The following ANKH variants were observed in gnomAD, a reference collection of about 807,000 sequenced individuals.
ANKH encodes mineralization regulator ANKH.
ANKH carries 15 observed loss-of-function variants against 49.0 expected under a neutral mutation model. The observed-to-expected ratio is 0.31, with a 90% confidence interval of 0.20 to 0.47. The LOEUF is 0.47. Among genes scored for constraint, ANKH ranks in the 20% least tolerant of loss-of-function variants. The pLI is 1.00. For synonymous variants in ANKH, 273 were observed against 260.0 expected, an observed-to-expected ratio of 1.05 and a Z score of -0.48; for missense variants, 429 against 652.0, an observed-to-expected ratio of 0.66 and a Z score of 3.72.
At chr5:14,764,615 G>A (rs746160056) in intron 2 of ANKH, among the ~76,000 whole-genome samples, 3 of 152,218 alleles carry the variant, frequency 2.0e-5, no homozygotes, top group Non-Finnish European at 2.9e-5. Flanking sequence ...ACTGAGGATC[G>A]GGGTGGTTTT....
intron 8 of ANKH, among the ~76,000 whole-genome samples, chr5:14,727,490 C>T (rs777097279): frequency 1.3e-5 from 2 of 150,900 alleles, no homozygotes; most frequent in Non-Finnish European, 2.9e-5. Context: ...CTAGTAATGC[C>T]GCGTTGGTGG....
intron 1 of ANKH, among the ~76,000 whole-genome samples, chr5:14,866,670 G>C (rs983145286): frequency 6.6e-6 from 1 of 152,166 alleles, no homozygotes; most frequent in Non-Finnish European, 1.5e-5. Flanking sequence ...CAAAGACCAA[G>C]TGACTTCTAA....
intron 1 of ANKH, among the ~76,000 whole-genome samples, chr5:14,849,079 G>T (rs1742054167): frequency 6.6e-6 from 1 of 152,154 alleles, no homozygotes; most frequent in Non-Finnish European, 1.5e-5. Flanking sequence ...GGAATTCTTA[G>T]TCAGCCTAGG....
At chr5:14,843,740 T>C (rs1161106164) in intron 1 of ANKH, among the ~76,000 whole-genome samples, 1 of 152,076 alleles carries the variant, frequency 6.6e-6, no homozygotes, top group Non-Finnish European at 1.5e-5. Context: ...ACCTCCTCAG[T>C]GTGTGCTCGC....
intron 1 of ANKH, among the ~76,000 whole-genome samples, chr5:14,784,853 AGAAAAG>A (rs1739922725): frequency 6.6e-6 from 1 of 152,188 alleles, no homozygotes; most frequent in South Asian, 2.1e-4. Context: ...GTGAGGCCCT[AGAAAAG>A]GCACTTGCTG....
chr5:14,816,923 C>T lies in ANKH; in HGVS notation c.97-47732G>A, dbSNP rs375393661. Among the ~76,000 whole-genome samples, 20 of 152,332 alleles carry T rather than the reference C, an allele frequency of 1.3e-4. 2 individuals carry two copies. The highest frequency in any genetic ancestry group is 1.2e-3 in the Admixed American group (19 of 15,304). The stretch of plus-strand genomic sequence containing the variant: ...GAGCTCGAGCTTTTACCTCGTTGCA[C>T]AGATCTCAGCCTTTTTAGATGGATT... On this transcript the variant is annotated intron_variant, in intron 1 of 11. Coordinates refer to ENST00000284268, the MANE Select transcript of ANKH (RefSeq NM_054027.6).
At chr5:14,815,011 T>C (rs1740989723) in intron 1 of ANKH, among the ~76,000 whole-genome samples, 1 of 152,250 alleles carries the variant, frequency 6.6e-6, no homozygotes, top group African/African-American at 2.4e-5. Flanking sequence ...TGAGGAATCC[T>C]GAGCCTTGAA....
intron 1 of ANKH, among the ~76,000 whole-genome samples, chr5:14,867,886 CT>C (rs908528580): frequency 1.3e-5 from 2 of 152,096 alleles, no homozygotes; most frequent in Non-Finnish European, 2.9e-5. Flanking sequence ...TTCCATAGAG[CT>C]TTTTTTAGTA....
rs2126459009 is a variant in ANKH at position 14,737,319 on chromosome 5, T to C, written c.1011+4508A>G. On this transcript the variant is annotated intron_variant, in intron 8 of 11. Transcript: ENST00000284268. This position sits in a 1 kb window ranked among gnomAD's most constrained non-coding sequence, Gnocchi z 5.0. ...ACTTCTAGAGTCCAGGAGGGCACCA[T>C]GATAGGCCCCAGGGGTTTGTAGGAG... Among the ~76,000 whole-genome samples the C allele has an allele frequency of 6.6e-6, 1 of 152,302 alleles. No homozygotes were observed. Among genetic ancestry groups the C allele is most frequent in the Non-Finnish European group, 1.5e-5 (1 of 68,026 alleles).
intron 1 of ANKH, among the ~76,000 whole-genome samples, chr5:14,811,177 C>T (rs574640176): frequency 2.0e-5 from 3 of 148,652 alleles, no homozygotes; most frequent in Admixed American, 6.6e-5. Flanking sequence ...AGTCACTCGG[C>T]TTTCAAGAGT....
At chr5:14,751,844 G>A (rs1031201084) in intron 4 of ANKH, among the ~76,000 whole-genome samples, 5 of 152,108 alleles carry the variant, frequency 3.3e-5, no homozygotes, top group Admixed American at 2.6e-4. Context: ...ACTTTGCATG[G>A]AATCTATTTA....
intron 6 of ANKH, 144 bp downstream of exon 6, chr5:14,749,028 T>A (rs759745737): frequency 1.2e-5 from 15 of 1,209,092 alleles, no homozygotes; most frequent in South Asian, 9.3e-5. Context: ...CCGAACGAGA[T>A]CTTTATGGCT....
rs1325558961 is a variant in ANKH, at chr5:14,705,985, C to T, written c.*5212G>A. 1 of 152,122 alleles carries T rather than the reference C, an allele frequency of 6.6e-6. No homozygotes were observed. The highest frequency in any genetic ancestry group is 1.5e-5 in the Non-Finnish European group (1 of 68,028). 9.4% of individuals were successfully genotyped at this position (152,122 alleles called of 1,614,324 possible). On this transcript the variant is annotated 3_prime_UTR_variant, in exon 12 of 12. Coordinates refer to ENST00000284268, the MANE Select transcript of ANKH (RefSeq NM_054027.6). Reference sequence around the variant, plus strand: ...GGCTTATAGCTAGGGAACATTGCCTCTAAATCTTATAGTGAGAATTTCCAT... The same window carrying T: ...GGCTTATAGCTAGGGAACATTGCCTTTAAATCTTATAGTGAGAATTTCCAT...
intron 1 of ANKH, among the ~76,000 whole-genome samples, chr5:14,840,823 ACAGCCAAGGGG>A (rs2126609115): frequency 6.6e-6 from 1 of 152,318 alleles, no homozygotes; most frequent in Non-Finnish European, 1.5e-5. Flanking sequence ...ACACCTAAAG[ACAGCCAAGGGG>A]CATCCTGGAA....
At chr5:14,823,453 T>C (rs73050687) in intron 1 of ANKH, among the ~76,000 whole-genome samples, 2,918 of 152,286 alleles carry the variant, frequency 0.019, 69 homozygotes, top group African/African-American at 0.053. Context: ...ATTTACAACA[T>C]TGTATAGCAA....
intron 1 of ANKH, among the ~76,000 whole-genome samples, chr5:14,789,751 G>T (rs1456468948): frequency 1.3e-5 from 2 of 151,994 alleles, no homozygotes; most frequent in African/African-American, 4.8e-5. Flanking sequence ...TCACTCTGTT[G>T]CCTGGCTGGA....
intron 8 of ANKH, among the ~76,000 whole-genome samples, chr5:14,727,274 A>T (rs1737851471): frequency 6.6e-6 from 1 of 152,074 alleles, no homozygotes; most frequent in African/African-American, 2.4e-5. Context: ...AATCTTGAAT[A>T]TTTTCATAAA....
chr5:14,863,957 G>A (rs1223838329), intron 1 of ANKH, among the ~76,000 whole-genome samples: 1 of 152,166 alleles, frequency 6.6e-6, no homozygotes, highest in Non-Finnish European at 1.5e-5. Context: ...GCTCGTGCCT[G>A]TAATCCCAAC....
chr5:14,833,060 C>T (rs1741548269), intron 1 of ANKH, among the ~76,000 whole-genome samples: 1 of 152,212 alleles, frequency 6.6e-6, no homozygotes. Flanking sequence ...GCCCCACAAC[C>T]TGCACTATTA....
Sources: allele counts gnomAD v4.1 joint callset (sites outside exome capture counted in the v4.1 genomes callset), GRCh38; gene constraint gnomAD v4.1.1; non-coding constraint Gnocchi (gnomAD v3.1); transcripts MANE v1.5; gene names NCBI Gene and HGNC (gene_info 2026-07-23, HGNC 2026-07-21).